The following BICC1 variants were observed in gnomAD, a reference collection of about 807,000 sequenced individuals.
The protein encoded by BICC1 is BicC family RNA binding protein 1, also known as protein bicaudal C homolog 1.
BICC1 carries 43 observed loss-of-function variants against 111.0 expected under a neutral mutation model. The ratio of observed to expected loss-of-function variants is 0.39; its 90% CI spans 0.30 to 0.50. BICC1 has a LOEUF of 0.50. BICC1 is among the 20% of genes least tolerant of loss of function. The pLI, the probability that BICC1 is intolerant of heterozygous loss-of-function variation, is 0.88. For synonymous variants in BICC1, 467 were observed against 434.4 expected, an observed-to-expected ratio of 1.07 and a Z score of -0.93; for missense variants, 1,091 against 1,203.2, an observed-to-expected ratio of 0.91 and a Z score of 1.38.
Position 58,687,932 on chromosome 10 carries a change from G to A in BICC1, c.238-14142G>A, listed in dbSNP as rs114400829. 5.9e-3 allele frequency among the ~76,000 whole-genome samples: 894 copies of A among 152,206 alleles called. 19 individuals are homozygous for A. The highest frequency in any genetic ancestry group is 0.02 in the African/African-American group (845 of 41,542). ...ATGCAGAAATTACCCATCTTCTGTC[G>A]CTCACGCTGGGAGCTGTGGACTGGA... On this transcript the variant is annotated intron_variant, in intron 2 of 20. Transcript: ENST00000373886.
chr10:58,823,091 C>A, intron 20 of BICC1: 1 of 331,304 alleles, frequency 3.0e-6, no homozygotes, highest in Non-Finnish European at 4.2e-6. Flanking sequence ...TTGGAAAATT[C>A]ACAGATTTTT....
At chr10:58,558,191 C>T (rs1273132544) in intron 1 of BICC1, among the ~76,000 whole-genome samples, 1 of 152,074 alleles carries the variant, frequency 6.6e-6, no homozygotes, top group Non-Finnish European at 1.5e-5. Flanking sequence ...TTCCTATAAT[C>T]CTTTCAGTTG....
At chr10:58,735,317 G>A (rs1019542081) in intron 3 of BICC1, among the ~76,000 whole-genome samples, 36 of 152,064 alleles carry the variant, frequency 2.4e-4, no homozygotes, top group Admixed American at 1.4e-3. Flanking sequence ...ATATTCCCCC[G>A]TCTCATAGCC....
chr10:58,538,970 A>G (rs1842892365), intron 1 of BICC1, among the ~76,000 whole-genome samples: 1 of 151,898 alleles, frequency 6.6e-6, no homozygotes, highest in African/African-American at 2.4e-5. Flanking sequence ...ACACTTATAC[A>G]CTGCTGGTTG....
chr10:58,678,279 AGTGTGCTGTACTCAGGAGACCTGTCTCAC>A (rs1331004615), intron 2 of BICC1, among the ~76,000 whole-genome samples: 1 of 152,228 alleles, frequency 6.6e-6, no homozygotes, highest in Non-Finnish European at 1.5e-5. Flanking sequence ...AAGACCCATC[AGTGTGCTGTACTCAGGAGACCTGTCTCAC>A]GTGCAAAGAC....
intron 2 of BICC1, among the ~76,000 whole-genome samples, chr10:58,652,026 G>C (rs1196309679): frequency 6.6e-6 from 1 of 151,996 alleles, no homozygotes; most frequent in Non-Finnish European, 1.5e-5. Context: ...GAGATAGAAA[G>C]CATATTTAAA....
rs185185063 is a variant in BICC1, at chr10:58,645,589, C to T, written c.237+24688C>T. Among the ~76,000 whole-genome samples, 502 of 152,176 alleles carry T rather than the reference C, an allele frequency of 3.3e-3. 1 individual carries two copies. The highest frequency in any genetic ancestry group is 4.3e-3 in the Non-Finnish European group (289 of 67,984). ...CAAGCATCTAACCTGGCTGGTTTCT[C>T]CATTTATATTTTGTGATCCTGGCTC... On this transcript the variant is annotated intron_variant, in intron 2 of 20. Coordinates refer to ENST00000373886, the MANE Select transcript of BICC1 (RefSeq NM_001080512.3).
At chr10:58,516,013 A>T (rs1426061964) in intron 1 of BICC1, among the ~76,000 whole-genome samples, 2 of 152,206 alleles carry the variant, frequency 1.3e-5, no homozygotes, top group Non-Finnish European at 2.9e-5. Flanking sequence ...TAAAGAAGTA[A>T]GTCTATCAAG....
chr10:58,714,456 A>G (rs180858716), intron 3 of BICC1, among the ~76,000 whole-genome samples: 1 of 152,334 alleles, frequency 6.6e-6, no homozygotes, highest in African/African-American at 2.4e-5. Context: ...TAATTGTGCA[A>G]TTTAAACTGT....
At chr10:58,585,608 A>G (rs1252405460) in intron 1 of BICC1, among the ~76,000 whole-genome samples, 2 of 152,054 alleles carry the variant, frequency 1.3e-5, no homozygotes, top group African/African-American at 2.4e-5. Flanking sequence ...AGTGGATCTC[A>G]TTGTGCATTC....
At chr10:58,766,120 A>G (rs11006256) in intron 3 of BICC1, among the ~76,000 whole-genome samples, 44,102 of 151,992 alleles carry the variant, frequency 0.29, 6,986 homozygotes, top group East Asian at 0.48. Context: ...AGGTCTTGAT[A>G]GTTTCTGGCA....
At chr10:58,724,686 G>A (rs1350910546) in intron 3 of BICC1, among the ~76,000 whole-genome samples, 4 of 152,204 alleles carry the variant, frequency 2.6e-5, no homozygotes. Context: ...CCTGTCAGCA[G>A]CTCCTGAACC....
chr10:58,588,368 G>T (rs983262075), intron 1 of BICC1, among the ~76,000 whole-genome samples: 1 of 152,222 alleles, frequency 6.6e-6, no homozygotes, highest in African/African-American at 2.4e-5. Context: ...GGGTGCATGG[G>T]TGTATCTTGT....
At chr10:58,803,309 G>A in intron 15 of BICC1, 67 bp downstream of exon 15, 1 of 1,374,882 alleles carries the variant, frequency 7.3e-7, no homozygotes, top group South Asian at 1.8e-5. Flanking sequence ...GGAGAATTCA[G>A]TGAGTGTTCA....
chr10:58,642,318 A>G (rs1838148147), intron 2 of BICC1, among the ~76,000 whole-genome samples: 1 of 152,090 alleles, frequency 6.6e-6, no homozygotes, highest in Non-Finnish European at 1.5e-5. Flanking sequence ...TCATGTACTG[A>G]GTACTGTCAT....
At chr10:58,586,892 A>G (rs1230671485) in intron 1 of BICC1, among the ~76,000 whole-genome samples, 1 of 152,138 alleles carries the variant, frequency 6.6e-6, no homozygotes. Context: ...ATCAACCAAT[A>G]TTATGAACTT....
chr10:58,803,250 T>A lies in BICC1; in HGVS notation c.2181+8T>A. 1 of 1,575,188 alleles carries A rather than the reference T, an allele frequency of 6.3e-7. No homozygotes were observed. Among genetic ancestry groups the A allele is most frequent in the Non-Finnish European group, 8.6e-7 (1 of 1,158,042 alleles). ...TCATATGTCAACATGCAGGTAATGG[T>A]AATAAAATAGGAAAGCCACTCAAAT... On this transcript the variant is annotated splice_region_variant and intron_variant, in intron 15 of 20. Transcript: ENST00000373886.
At chr10:58,685,690 C>A (rs2132385374) in intron 2 of BICC1, among the ~76,000 whole-genome samples, 1 of 152,132 alleles carries the variant, frequency 6.6e-6, no homozygotes, top group South Asian at 2.1e-4. Context: ...AGATTGCAAC[C>A]CCTGCTTTTT....
chr10:58,718,985 T>C (rs1052349523), intron 3 of BICC1, among the ~76,000 whole-genome samples: 18 of 152,206 alleles, frequency 1.2e-4, no homozygotes, highest in Admixed American at 7.2e-4. Flanking sequence ...TTCTGAATTT[T>C]TTCTAATCCA....
Sources: gnomAD v4.1 joint callset for allele counts (sites outside exome capture counted in the v4.1 genomes callset) on GRCh38, gnomAD v4.1.1 for gene constraint, MANE v1.5 for transcripts, NCBI Gene and HGNC (gene_info 2026-07-23, HGNC 2026-07-21) for gene names.